PDSS2: variants seen among roughly 807,000 people sequenced by gnomAD.
PDSS2 encodes decaprenyl diphosphate synthase subunit 2.
PDSS2 carries 31 observed loss-of-function variants against 44.5 expected under a neutral mutation model. That is an observed-to-expected ratio of 0.70 (90% CI 0.52 to 0.94). The LOEUF is 0.94. Ranked by LOEUF, PDSS2 falls within the 40% of genes least tolerant of loss-of-function variation. The pLI, the probability that PDSS2 is intolerant of heterozygous loss-of-function variation, is 0.00. For missense variants in PDSS2, 452 were observed against 482.2 expected, an observed-to-expected ratio of 0.94 and a Z score of 0.59; for synonymous variants, 157 against 180.3, an observed-to-expected ratio of 0.87 and a Z score of 1.03.
chr6:107,427,870 C>G (rs896100484), intron 1 of PDSS2, among the ~76,000 whole-genome samples: 4 of 152,216 alleles, frequency 2.6e-5, no homozygotes, highest in Non-Finnish European at 4.4e-5. Context: ...CCAACCATAT[C>G]AAACTGGAGT....
At chr6:107,394,677 T>C (rs984275331) in intron 1 of PDSS2, among the ~76,000 whole-genome samples, 3 of 152,178 alleles carry the variant, frequency 2.0e-5, no homozygotes, top group African/African-American at 7.2e-5. Flanking sequence ...AATTATAGTA[T>C]AACCTTTTCT....
At chr6:107,281,664 T>C (rs1775964237) in intron 2 of PDSS2, among the ~76,000 whole-genome samples, 1 of 152,228 alleles carries the variant, frequency 6.6e-6, no homozygotes, top group Non-Finnish European at 1.5e-5. Context: ...CTAAAGACTT[T>C]TTAATAATCA....
At chr6:107,387,022 A>G (rs1190963884) in intron 1 of PDSS2, among the ~76,000 whole-genome samples, 1 of 152,214 alleles carries the variant, frequency 6.6e-6, no homozygotes, top group African/African-American at 2.4e-5. Context: ...AGAATAACTT[A>G]ATCCACAAGC....
At chr6:107,360,363 A>T (rs1778731498) in intron 1 of PDSS2, among the ~76,000 whole-genome samples, 1 of 152,220 alleles carries the variant, frequency 6.6e-6, no homozygotes. Flanking sequence ...CCTCATTAAA[A>T]ATGTGGTGCA....
rs118187258 is a variant in PDSS2 at position 107,200,770 on chromosome 6, G to A, written c.1009-6916C>T. Among the ~76,000 whole-genome samples, 1,289 of 152,080 alleles carry A rather than the reference G, an allele frequency of 8.5e-3. 6 individuals are homozygous for A. Among genetic ancestry groups the A allele is most frequent in the Non-Finnish European group, 0.014 (923 of 67,996 alleles). ...CAACCTCCACCTCTCAGGTTCAGGC[G>A]ATTCTCCTACCTCAGCCTCCCTAGT... On this transcript the variant is annotated intron_variant, in intron 6 of 7. Coordinates refer to ENST00000369037, the MANE Select transcript of PDSS2 (RefSeq NM_020381.4).
intron 4 of PDSS2, among the ~76,000 whole-genome samples, chr6:107,212,705 T>C (rs1773262884): frequency 6.6e-6 from 1 of 151,874 alleles, no homozygotes; most frequent in South Asian, 2.1e-4. Context: ...TTCTTAGAAA[T>C]AATTAAATAG....
intron 3 of PDSS2, among the ~76,000 whole-genome samples, chr6:107,247,375 A>C (rs564556706): frequency 6.6e-6 from 1 of 152,292 alleles, no homozygotes; most frequent in African/African-American, 2.4e-5. Flanking sequence ...GAAATTCCAG[A>C]CCAGGCAGAA....
intron 1 of PDSS2, among the ~76,000 whole-genome samples, chr6:107,456,052 G>A (rs1782032774): frequency 6.6e-6 from 1 of 152,330 alleles, no homozygotes; most frequent in African/African-American, 2.4e-5. Context: ...GCCCGGCGTG[G>A]TGGCTCACGC....
chr6:107,397,159 T>C (rs1239429970), intron 1 of PDSS2, among the ~76,000 whole-genome samples: 1 of 148,346 alleles, frequency 6.7e-6, no homozygotes, highest in East Asian at 2.0e-4. Context: ...GTATGGTCTG[T>C]GGATCCCCAG....
chr6:107,411,160 A>G (rs1462328105), intron 1 of PDSS2, among the ~76,000 whole-genome samples: 5 of 152,202 alleles, frequency 3.3e-5, no homozygotes, highest in Admixed American at 2.6e-4. Context: ...TGCTGGGATT[A>G]CAGGCGTGAG....
chr6:107,200,702 T>C (rs1322742617), intron 6 of PDSS2, among the ~76,000 whole-genome samples: 1 of 152,134 alleles, frequency 6.6e-6, no homozygotes, highest in African/African-American at 2.4e-5. Context: ...AGTCTCACTC[T>C]GTTCCCCAGG....
At chr6:107,286,136 T>TAAATAAATAAA (rs568159749) in intron 2 of PDSS2, among the ~76,000 whole-genome samples, 3 of 128,742 alleles carry the variant, frequency 2.3e-5, no homozygotes, top group Middle Eastern at 4.3e-3. Flanking sequence ...CGTCGCAAAA[T>TAAATAAATAAA]AAAAAAAAAA....
At position 107,313,701 on chromosome 6, in the gene PDSS2, T is replaced by C. The variant is rs1326268862; in HGVS notation, c.431+20497A>G. On this transcript the variant is annotated intron_variant, in intron 2 of 7. Transcript: ENST00000369037. ...AGCAGGGCCCAATTTAATCTTTAAT[T>C]TACATTTCTTCCAGCCTAAATATTA... Among the ~76,000 whole-genome samples the C allele has an allele frequency of 2.0e-5, 3 of 152,180 alleles. No individual in the cohort carries two copies. The East Asian group carries it at 5.8e-4, about 29-fold the overall frequency.
At chr6:107,159,477 C>A (rs1231743382) in intron 7 of PDSS2, among the ~76,000 whole-genome samples, 1 of 146,670 alleles carries the variant, frequency 6.8e-6, no homozygotes, top group Non-Finnish European at 1.5e-5. Context: ...AATGCAGTGG[C>A]GCGATCTTGG....
chr6:107,182,182 A>G (rs1187779632), intron 7 of PDSS2, among the ~76,000 whole-genome samples: 5 of 152,226 alleles, frequency 3.3e-5, no homozygotes, highest in African/African-American at 1.2e-4. Context: ...AGAGTTAAGG[A>G]GAAAAAAGAC....
At chr6:107,433,739 G>C (rs1381036041) in intron 1 of PDSS2, among the ~76,000 whole-genome samples, 1 of 152,152 alleles carries the variant, frequency 6.6e-6, no homozygotes, top group East Asian at 1.9e-4. Context: ...GTCCCAAAAA[G>C]CACAGGCAAC....
At chr6:107,265,573 T>G (rs1483953273) in intron 3 of PDSS2, among the ~76,000 whole-genome samples, 2 of 152,222 alleles carry the variant, frequency 1.3e-5, no homozygotes, top group Non-Finnish European at 2.9e-5. Flanking sequence ...TTGACAAATT[T>G]TCTTTCTTAT....
intron 6 of PDSS2, among the ~76,000 whole-genome samples, chr6:107,208,609 CTT>C (rs74772386): frequency 1.3e-4 from 17 of 132,084 alleles, no homozygotes; most frequent in Admixed American, 3.2e-4. Context: ...TGGCCTGTGA[CTT>C]TTTTTTTTTT....
chr6:107,372,926 G>A (rs1039804445), intron 1 of PDSS2, among the ~76,000 whole-genome samples: 2 of 151,610 alleles, frequency 1.3e-5, no homozygotes, highest in Admixed American at 1.3e-4. Context: ...TTATAGAAGA[G>A]TGCCAAAACT....
Sources: allele counts gnomAD v4.1 joint callset (sites outside exome capture counted in the v4.1 genomes callset), GRCh38; gene constraint gnomAD v4.1.1; transcripts MANE v1.5; gene names NCBI Gene and HGNC (gene_info 2026-07-23, HGNC 2026-07-21).